CALN1: variants seen among roughly 807,000 people sequenced by gnomAD.
CALN1 encodes calneuron 1, also known as calcium-binding protein 8.
Under a neutral mutation model 30.6 loss-of-function variants are expected in CALN1, and 17 were observed. The ratio of observed to expected loss-of-function variants is 0.56; its 90% CI spans 0.38 to 0.83. The LOEUF (loss-of-function observed/expected upper bound fraction) is 0.83, where lower values mean the gene tolerates loss of function less well. CALN1 is among the 40% of genes least tolerant of loss of function. CALN1 has a pLI of 0.00. For synonymous variants in CALN1, 156 were observed against 131.4 expected (o/e 1.19, Z -1.28); for missense variants, 291 against 354.9 (o/e 0.82, Z 1.45).
At chr7:72,095,336 T>C (rs1475240837) in intron 4 of CALN1, among the ~76,000 whole-genome samples, 1 of 152,166 alleles carries the variant, frequency 6.6e-6, no homozygotes, top group Non-Finnish European at 1.5e-5. Context: ...ATTATTGGGG[T>C]CCTGGTGAGC....
chr7:72,450,974 A>G (rs58745280), upstream of CALN1, among the ~76,000 whole-genome samples: 408 of 152,186 alleles, frequency 2.7e-3, 2 homozygotes, highest in African/African-American at 9.5e-3. Flanking sequence ...ATGTCCCCAT[A>G]GTTGCCACCA....
intron 4 of CALN1, among the ~76,000 whole-genome samples, chr7:72,085,627 G>T (rs1057380604): frequency 6.6e-6 from 1 of 152,198 alleles, no homozygotes. Flanking sequence ...AAGCCACAGA[G>T]TGGGAAAAAT....
intron 4 of CALN1, among the ~76,000 whole-genome samples, chr7:72,086,353 T>C (rs1173879618): frequency 6.6e-6 from 1 of 152,176 alleles, no homozygotes; most frequent in Non-Finnish European, 1.5e-5. Flanking sequence ...AAATACCCTA[T>C]ACATTTCGCC....
chr7:72,018,962 G>A (rs2129529879), intron 5 of CALN1, among the ~76,000 whole-genome samples: 1 of 151,732 alleles, frequency 6.6e-6, no homozygotes, highest in Non-Finnish European at 1.5e-5. Context: ...TCAGCCTCCT[G>A]AGTAGCTGGG....
At chr7:72,257,900 T>C (rs919583884) in intron 3 of CALN1, among the ~76,000 whole-genome samples, 2 of 152,084 alleles carry the variant, frequency 1.3e-5, no homozygotes, top group Admixed American at 1.3e-4. Context: ...CACTTCTAAG[T>C]GGGAGCTAAG....
intron 2 of CALN1, among the ~76,000 whole-genome samples, chr7:72,288,672 C>A (rs900266126): frequency 1.3e-5 from 2 of 152,184 alleles, no homozygotes; most frequent in Non-Finnish European, 2.9e-5. Flanking sequence ...GGATTTCCTT[C>A]ACTGCTAGCT....
chr7:71,793,157 T>A (rs527964325), intron 6 of CALN1, among the ~76,000 whole-genome samples: 3 of 151,872 alleles, frequency 2.0e-5, no homozygotes, highest in African/African-American at 4.8e-5. Flanking sequence ...ACACAAAAAA[T>A]TTGCTGGGCA....
intron 1 of CALN1, among the ~76,000 whole-genome samples, chr7:72,440,706 A>C (rs1808318638): frequency 6.6e-6 from 1 of 152,182 alleles, no homozygotes. Flanking sequence ...TTATGCCTGT[A>C]ATCCCAGCTA....
intron 3 of CALN1, among the ~76,000 whole-genome samples, chr7:72,169,109 T>C (rs1238734066): frequency 2.2e-5 from 3 of 137,718 alleles, no homozygotes; most frequent in African/African-American, 7.5e-5. Context: ...TCTAGCCCTA[T>C]TTATTTCTTT....
intron 3 of CALN1, among the ~76,000 whole-genome samples, chr7:72,244,890 A>C (rs1275781124): frequency 6.6e-6 from 1 of 152,100 alleles, no homozygotes; most frequent in African/African-American, 2.4e-5. Context: ...AATTTCCTAA[A>C]TTGTACCAAA....
intron 4 of CALN1, among the ~76,000 whole-genome samples, chr7:72,034,035 G>A (rs567150016): frequency 3.3e-5 from 5 of 152,214 alleles, no homozygotes; most frequent in South Asian, 4.1e-4. Context: ...TCTGGTTTGC[G>A]ACACCAAAGG....
chr7:72,160,510 C>A (rs1365829745), intron 3 of CALN1, among the ~76,000 whole-genome samples: 1 of 152,004 alleles, frequency 6.6e-6, no homozygotes, highest in East Asian at 1.9e-4. Flanking sequence ...AACTCTTGAC[C>A]TCAAGTGATC....
chr7:72,060,431 A>T (rs1803566400), intron 4 of CALN1, among the ~76,000 whole-genome samples: 2 of 152,194 alleles, frequency 1.3e-5, no homozygotes, highest in Non-Finnish European at 2.9e-5. Context: ...AATAAATGGT[A>T]GTACCAAGGA....
intron 2 of CALN1, among the ~76,000 whole-genome samples, chr7:72,388,048 C>G (rs1329365229): frequency 6.6e-6 from 1 of 152,016 alleles, no homozygotes; most frequent in East Asian, 1.9e-4. Context: ...GTGGGTTTTG[C>G]CATTGACTTT....
chr7:72,443,587 G>A (rs146330447), intron 1 of CALN1, among the ~76,000 whole-genome samples: 2 of 151,884 alleles, frequency 1.3e-5, no homozygotes, highest in African/African-American at 2.4e-5. Flanking sequence ...ATATTTCATA[G>A]CCACCTCTGT....
intron 5 of CALN1, among the ~76,000 whole-genome samples, chr7:71,976,990 C>T (rs571693097): frequency 3.3e-5 from 5 of 152,238 alleles, no homozygotes; most frequent in Middle Eastern, 3.4e-3. Context: ...AAAATCCACC[C>T]GAACCTTTTC....
At chr7:71,858,643 G>A (rs942316165) in intron 5 of CALN1, among the ~76,000 whole-genome samples, 1 of 151,912 alleles carries the variant, frequency 6.6e-6, no homozygotes, top group African/African-American at 2.4e-5. Context: ...TGCTTCCCCC[G>A]CCCTAATATT....
chr7:72,226,489 A>G (rs768998647), intron 3 of CALN1, among the ~76,000 whole-genome samples: 1 of 152,162 alleles, frequency 6.6e-6, no homozygotes, highest in Admixed American at 6.5e-5. Flanking sequence ...AGGCAACTTC[A>G]TAAGATGACC....
At chr7:72,223,797 A>G (rs1585204871) in intron 3 of CALN1, among the ~76,000 whole-genome samples, 1 of 152,224 alleles carries the variant, frequency 6.6e-6, no homozygotes, top group South Asian at 2.1e-4. Flanking sequence ...GTGCATAGAC[A>G]CCATGGAATA....
Sources: gnomAD v4.1 joint callset for allele counts (sites outside exome capture counted in the v4.1 genomes callset) on GRCh38, gnomAD v4.1.1 for gene constraint, MANE v1.5 for transcripts, NCBI Gene and HGNC (gene_info 2026-07-23, HGNC 2026-07-21) for gene names.